The following KCNU1 variants were observed in gnomAD, a reference collection of about 807,000 sequenced individuals.
KCNU1 encodes potassium calcium-activated channel subfamily U member 1, also known as potassium channel subfamily U member 1.
Under a neutral mutation model 126.8 loss-of-function variants are expected in KCNU1, and 93 were observed. That is an observed-to-expected ratio of 0.73 (90% CI 0.62 to 0.87). KCNU1 has a LOEUF of 0.87. Ranked by LOEUF, KCNU1 falls within the 40% of genes least tolerant of loss-of-function variation. The pLI, the probability that KCNU1 is intolerant of heterozygous loss-of-function variation, is 0.00. For synonymous variants in KCNU1, 523 were observed against 494.2 expected (o/e 1.06, Z -0.77); for missense variants, 1,330 against 1,367.1 (o/e 0.97, Z 0.43).
At chr8:36,816,274 G>T (rs939272678) in intron 9 of KCNU1, among the ~76,000 whole-genome samples, 11 of 152,146 alleles carry the variant, frequency 7.2e-5, no homozygotes, top group African/African-American at 2.6e-4. Context: ...ATGGAGTGGA[G>T]TTGTTTTTAT....
chr8:36,922,700 C>CCTG, intron 24 of KCNU1, 71 bp downstream of exon 24: 1 of 1,467,132 alleles, frequency 6.8e-7, no homozygotes, highest in Admixed American at 2.2e-5. Flanking sequence ...TAGTATAAGG[C>CCTG]TGAGTAGATG....
Position 36,894,814 on chromosome 8 carries a change from A to G in KCNU1, c.2010-10894A>G, listed in dbSNP as rs187181102. On this transcript the variant is annotated intron_variant, in intron 19 of 26. Coordinates refer to ENST00000399881, the MANE Select transcript of KCNU1 (RefSeq NM_001031836.3). Reference sequence around the variant, plus strand: ...ATACAAAAATACATGTAGACCAGAAACAGTCCTAGTTAGACAAATTTACAA... The same window carrying G: ...ATACAAAAATACATGTAGACCAGAAGCAGTCCTAGTTAGACAAATTTACAA... 5.8e-3 allele frequency among the ~76,000 whole-genome samples: 879 copies of G among 152,280 alleles called. 10 individuals carry two copies. Among genetic ancestry groups the G allele is most frequent in the South Asian group, 0.051 (246 of 4,826 alleles).
chr8:36,892,114 C>T lies in KCNU1; in HGVS notation c.2010-13594C>T, dbSNP rs568361843. On this transcript the variant is annotated intron_variant, in intron 19 of 26. Transcript: ENST00000399881. ...TATGTTGATACACTTGATGATGTCCCACAGTTTTCTGAAGCTTCTGTGTAT... is the reference window on the plus strand; with the variant it reads ...TATGTTGATACACTTGATGATGTCCTACAGTTTTCTGAAGCTTCTGTGTAT... Among the ~76,000 whole-genome samples, 16 of 152,134 alleles carry T rather than the reference C, an allele frequency of 1.1e-4. No homozygotes were observed. In the South Asian group the frequency reaches 3.3e-3, roughly 32 times the overall value.
chr8:36,817,266 G>A (rs975974575), intron 9 of KCNU1, among the ~76,000 whole-genome samples: 9 of 151,868 alleles, frequency 5.9e-5, no homozygotes, highest in Non-Finnish European at 8.8e-5. Context: ...TTGGGAGGCT[G>A]AGGTGGGCGG....
intron 16 of KCNU1, among the ~76,000 whole-genome samples, chr8:36,844,968 C>T (rs1767645465): frequency 6.6e-6 from 1 of 152,140 alleles, no homozygotes; most frequent in African/African-American, 2.4e-5. Flanking sequence ...ATACAATATT[C>T]TCAAACACAT....
intron 18 of KCNU1, among the ~76,000 whole-genome samples, chr8:36,851,297 G>C (rs1352024611): frequency 6.6e-6 from 1 of 151,982 alleles, no homozygotes; most frequent in Admixed American, 6.6e-5. Flanking sequence ...ATTGATTATG[G>C]GGATGGTTTC....
At chr8:36,892,710 T>C (rs1165512500) in intron 19 of KCNU1, among the ~76,000 whole-genome samples, 1 of 152,138 alleles carries the variant, frequency 6.6e-6, no homozygotes, top group African/African-American at 2.4e-5. Context: ...ATAAGTCTTC[T>C]TATATTTGCC....
At chr8:36,855,085 A>G (rs1585465622) in intron 18 of KCNU1, among the ~76,000 whole-genome samples, 1 of 152,222 alleles carries the variant, frequency 6.6e-6, no homozygotes, top group Non-Finnish European at 1.5e-5. Context: ...TTCTGCTTGT[A>G]TGAAACCTCA....
chr8:36,825,702 A>C (rs963724323), intron 10 of KCNU1, among the ~76,000 whole-genome samples: 4 of 152,176 alleles, frequency 2.6e-5, no homozygotes, highest in African/African-American at 9.7e-5. Context: ...AAAACTTTTA[A>C]ATTTTCCTTA....
chr8:36,895,456 C>A (rs1335627312), intron 19 of KCNU1, among the ~76,000 whole-genome samples: 1 of 152,026 alleles, frequency 6.6e-6, no homozygotes, highest in East Asian at 1.9e-4. Context: ...ACCACTATTT[C>A]CGAACACTAA....
At chr8:36,830,765 A>G (rs1804508446) in intron 10 of KCNU1, among the ~76,000 whole-genome samples, 1 of 150,068 alleles carries the variant, frequency 6.7e-6, no homozygotes, top group South Asian at 2.1e-4. Flanking sequence ...TAATTTATTT[A>G]TTATTATTAT....
intron 18 of KCNU1, among the ~76,000 whole-genome samples, chr8:36,858,461 T>C (rs186920800): frequency 3.0e-4 from 45 of 152,226 alleles, no homozygotes; most frequent in African/African-American, 1.0e-3. Flanking sequence ...AACAAGATAA[T>C]ATACTAAAAA....
intron 2 of KCNU1, among the ~76,000 whole-genome samples, chr8:36,801,996 C>T (rs1172279822): frequency 1.3e-5 from 2 of 151,250 alleles, no homozygotes; most frequent in Non-Finnish European, 1.5e-5. Flanking sequence ...GTAATCCCAG[C>T]TACTCCGGAG....
intron 19 of KCNU1, among the ~76,000 whole-genome samples, chr8:36,867,428 A>G (rs1409074411): frequency 6.6e-6 from 1 of 152,184 alleles, no homozygotes. Context: ...AAATTTATCA[A>G]GAACACAGTC....
At chr8:36,860,975 G>A (rs1324343693) in intron 18 of KCNU1, among the ~76,000 whole-genome samples, 1 of 151,334 alleles carries the variant, frequency 6.6e-6, no homozygotes, top group African/African-American at 2.4e-5. Context: ...AATGACCCCA[G>A]CCAACGTTTC....
At chr8:36,835,669 T>C (rs2130554833) in intron 12 of KCNU1, among the ~76,000 whole-genome samples, 1 of 152,322 alleles carries the variant, frequency 6.6e-6, no homozygotes, top group Middle Eastern at 3.4e-3. Context: ...TCAAGATGGC[T>C]AGAGTCAGTG....
intron 2 of KCNU1, among the ~76,000 whole-genome samples, chr8:36,797,966 A>G (rs1050247680): frequency 2.6e-5 from 4 of 152,176 alleles, no homozygotes; most frequent in Admixed American, 1.3e-4. Context: ...GACTGCCAAT[A>G]GGGAGTACAA....
chr8:36,895,795 G>A (rs967315311), intron 19 of KCNU1, among the ~76,000 whole-genome samples: 1 of 152,072 alleles, frequency 6.6e-6, no homozygotes, highest in Non-Finnish European at 1.5e-5. Flanking sequence ...CAACTGAGAA[G>A]TTTCTACCTA....
intron 23 of KCNU1, among the ~76,000 whole-genome samples, chr8:36,921,718 C>G (rs1472816220): frequency 6.6e-6 from 1 of 150,934 alleles, no homozygotes; most frequent in Non-Finnish European, 1.5e-5. Context: ...TGCATCTCTT[C>G]TCACGGACCA....
Sources: allele counts gnomAD v4.1 joint callset (sites outside exome capture counted in the v4.1 genomes callset), GRCh38; gene constraint gnomAD v4.1.1; transcripts MANE v1.5; gene names NCBI Gene and HGNC (gene_info 2026-07-23, HGNC 2026-07-21).